Variants in FAT2 observed in about 807,000 individuals in gnomAD.
FAT2 encodes protocadherin Fat 2.
A neutral mutation model predicts 295.3 loss-of-function variants in FAT2; 150 were observed. The ratio of observed to expected loss-of-function variants is 0.51; its 90% CI spans 0.44 to 0.58. The LOEUF (loss-of-function observed/expected upper bound fraction) is 0.58. Among genes scored for constraint, FAT2 ranks in the 20% least tolerant of loss-of-function variants. The pLI is 0.00. For missense variants in FAT2, 4,868 were observed against 5,442.7 expected, an observed-to-expected ratio of 0.89 and a Z score of 3.32; for synonymous variants, 2,026 against 2,150.3, an observed-to-expected ratio of 0.94 and a Z score of 1.60.
At chr5:151,553,482 A>G in intron 5 of FAT2, 95 bp from the exon 6 acceptor site, 4 of 1,063,710 alleles carry the variant, frequency 3.8e-6, no homozygotes, top group Non-Finnish European at 5.6e-6. Flanking sequence ...TGTGATTCTG[A>G]CCAAGCAGGC....
chr5:151,571,348 T>G (rs1454842566), intron 1 of FAT2, among the ~76,000 whole-genome samples: 1 of 152,006 alleles, frequency 6.6e-6, no homozygotes. Flanking sequence ...CCAGGTCCAC[T>G]GGCTCCACAG....
In FAT2 at chr5:151,566,116, G is replaced by C; in HGVS notation, c.2816C>G (p.Pro939Arg). The part of the protein sequence containing the change: ...HNRLKVPEDL[P>R]PGTVLTFLDA... ...CAGAAATGTCAAGACAGTCCCGGGG[G>C]GCAGGTCCTCTGGAACCTTCAGCCT... The change falls in exon 2 of 24, where the codon CCC (proline) becomes CGC (arginine). Residue 939 changes from proline to arginine, a missense_variant. By Grantham distance (103) the Pro-to-Arg change is moderately radical. Around this residue, in one of 5 missense-constraint regions of FAT2, gnomAD observed 3,297 missense variants for 3,669.4 expected, o/e 0.90. Coordinates refer to ENST00000261800, the MANE Select transcript of FAT2 (RefSeq NM_001447.3). 1.2e-6 allele frequency: 2 copies of C among 1,614,140 alleles called. No individual in the cohort carries two copies.
At chr5:151,540,879 TCCTTCC>T in intron 10 of FAT2, 116 bp from the exon 11 acceptor site, 1 of 964,786 alleles carries the variant, frequency 1.0e-6, no homozygotes, top group South Asian at 1.8e-5. Context: ...AGCAAACATT[TCCTTCC>T]TTAACTAGGA....
intron 7 of FAT2, 143 bp from the exon 8 acceptor site, chr5:151,551,014 G>A: frequency 3.9e-6 from 3 of 772,604 alleles, no homozygotes; most frequent in Non-Finnish European, 6.2e-6. Context: ...TTGAATGAAT[G>A]ACAGTATTTC....
Position 151,543,657 on chromosome 5 carries a change from T to G in FAT2, c.7470A>C (p.Leu2490Phe), listed in dbSNP as rs1262086129. 4 of 1,614,102 alleles carry G rather than the reference T, an allele frequency of 2.5e-6. No individual in the cohort carries two copies. The highest frequency in any genetic ancestry group is 3.4e-6 in the Non-Finnish European group (4 of 1,180,048). The change falls in exon 10 of 24, where the codon TTA (leucine) becomes TTC (phenylalanine). Residue 2490 changes from leucine (L) to phenylalanine (F), a missense_variant. By Grantham distance (22) the Leu-to-Phe change is conservative. Coordinates refer to ENST00000261800, the MANE Select transcript of FAT2 (RefSeq NM_001447.3). ...EFQQHLYEAE[L>F]AENAMVGTKV... ...TGGTTCCAACCATTGCATTCTCTGC[T>G]AATTCTGCCTCATAAAGGTGCTGCT...
At chr5:151,538,356 T>A (rs1055691954) in intron 11 of FAT2, among the ~76,000 whole-genome samples, 1 of 152,150 alleles carries the variant, frequency 6.6e-6, no homozygotes, top group Non-Finnish European at 1.5e-5. Flanking sequence ...TTCTGGAAGG[T>A]GTCAGGTCAA....
chr5:151,543,193 A>T lies in FAT2; in HGVS notation c.7934T>A (p.Val2645Glu), dbSNP rs1177595288. Residue 2645 changes from valine to glutamate, a missense_variant, in exon 10 of 24, where the codon GTG (valine) becomes GAG (glutamate). Val to Glu is a moderately radical substitution (Grantham distance 121, BLOSUM62 -2). This residue lies in a region of FAT2 where 3,297 missense variants were observed against 3,669.4 expected (regional missense o/e 0.90). Transcript: ENST00000261800. ...EINPVTGVVK[V>E]KDSLVGLENQ... ...TTCCAATCCCACCAGGCTGTCTTTC[A>T]CCTTGACCACACCAGTGACTGGGTT... 4 of 1,614,152 alleles carry T rather than the reference A, an allele frequency of 2.5e-6. No homozygotes were observed. Among genetic ancestry groups the T allele is most frequent in the Non-Finnish European group, 3.4e-6 (4 of 1,180,030 alleles).
intron 1 of FAT2, among the ~76,000 whole-genome samples, chr5:151,587,375 A>G (rs1759219706): frequency 6.6e-6 from 1 of 152,108 alleles, no homozygotes; most frequent in African/African-American, 2.4e-5. Context: ...GCCCCAACCT[A>G]TCTCTCAGAC....
chr5:151,516,055 C>T (rs975794526), intron 20 of FAT2, among the ~76,000 whole-genome samples: 2 of 152,348 alleles, frequency 1.3e-5, no homozygotes, highest in African/African-American at 4.8e-5. Context: ...CTTAAACATG[C>T]TAAGCATTCT....
chr5:151,506,962 G>A (rs1043697081), intron 23 of FAT2, among the ~76,000 whole-genome samples, 192 bp downstream of exon 23: 1 of 152,214 alleles, frequency 6.6e-6, no homozygotes, highest in African/African-American at 2.4e-5. Flanking sequence ...GAGTGCAATA[G>A]AATGAGCCTC....
intron 1 of FAT2, among the ~76,000 whole-genome samples, chr5:151,572,312 A>G (rs7732813): frequency 6.6e-6 from 1 of 152,014 alleles, no homozygotes; most frequent in Non-Finnish European, 1.5e-5. Flanking sequence ...TAGACTTAGG[A>G]AACACAATGA....
At chr5:151,547,999 A>G (rs1257574106) in intron 9 of FAT2, among the ~76,000 whole-genome samples, 6 of 152,234 alleles carry the variant, frequency 3.9e-5, no homozygotes, top group Non-Finnish European at 7.3e-5. Flanking sequence ...AAATAAAGTC[A>G]TTATCTCCAT....
Position 151,512,064 on chromosome 5 carries a change from TGGAACCA to T in FAT2, c.11905+94_11905+100del. 1 of 1,113,714 alleles carries T rather than the reference TGGAACCA, an allele frequency of 9.0e-7. No homozygotes were observed. The highest frequency in any genetic ancestry group is 1.3e-6 in the Non-Finnish European group (1 of 783,084). The allele number at this position is 1,113,714 out of a possible 1,614,324, so 69.0% of individuals were successfully genotyped here. On this transcript the variant is annotated intron_variant, in intron 21 of 23. Transcript: ENST00000261800. The surrounding 1 kb of genome is among the most constrained non-coding windows in gnomAD (Gnocchi z 4.1). ...CAAGTTAGGGGAAGAGAGAGAAATT[TGGAACCA>T]GGAGGCTCTGAGATCTCCACCCTGA...
At position 151,504,959 on chromosome 5, in the gene FAT2, C is replaced by G. The variant is rs1760728226; in HGVS notation, c.*606G>C. The G allele has an allele frequency of 6.5e-6, 1 of 152,730 alleles. No individual in the cohort carries two copies. The highest frequency in any genetic ancestry group is 2.4e-5 in the African/African-American group (1 of 41,432). 9.5% of individuals were successfully genotyped at this position (152,730 alleles called of 1,614,324 possible). A position where few individuals can be genotyped will look rare whatever the true frequency, so the allele number is the denominator to read the frequency against. On this transcript the variant is annotated 3_prime_UTR_variant, in exon 24 of 24. Transcript: ENST00000261800. ...TGTTGCCCTCCATCACCATTTTCTC[C>G]CCGGTGCAAAGCACAGTGCCTGACG...
Position 151,567,564 on chromosome 5 carries a change from G to A in FAT2, c.1368C>T (p.Pro456=), listed in dbSNP as rs1380010933. 3.7e-6 allele frequency: 6 copies of A among 1,614,158 alleles called. No individual in the cohort carries two copies. Among genetic ancestry groups the A allele is most frequent in the Non-Finnish European group, 4.2e-6 (5 of 1,180,024 alleles). Residue 456 remains proline, a synonymous_variant, in exon 2 of 24, where the codon CCC becomes CCT. Coordinates refer to ENST00000261800, the MANE Select transcript of FAT2 (RefSeq NM_001447.3). The stretch of plus-strand genomic sequence containing the variant: ...CATCATAGGAAGACCTGTTGAAGAG[G>A]GGGGCATGGTTGTTGCAGTCCACAA... ...IDIVDCNNHA[P]LFNRSSYDGT... is the part of the protein sequence containing the mutation.
At chr5:151,533,768 A>T (rs1464459215) in intron 13 of FAT2, among the ~76,000 whole-genome samples, 1 of 151,914 alleles carries the variant, frequency 6.6e-6, no homozygotes, top group Non-Finnish European at 1.5e-5. Context: ...ATATATATAT[A>T]TCACATTAAT....
At chr5:151,583,163 T>C (rs1293210139) in intron 1 of FAT2, among the ~76,000 whole-genome samples, 4 of 152,180 alleles carry the variant, frequency 2.6e-5, no homozygotes, top group South Asian at 4.1e-4. Flanking sequence ...GTTCCATTCA[T>C]ATATGCACAC....
chr5:151,531,651 C>T lies in FAT2; in HGVS notation c.9747G>A (p.Glu3249=), dbSNP rs2127591194. The part of the protein sequence containing the change: ...QLATLTRPGA[E]KTGYRVVSGN... The stretch of plus-strand genomic sequence containing the variant: ...CGCTGACCACGCGGTAGCCGGTCTT[C>T]TCTGCGCCCGGGCGAGTGAGGGTGG... The change falls in exon 14 of 24, where the codon GAG becomes GAA. Residue 3249 remains glutamate (E), a synonymous_variant. Coordinates refer to ENST00000261800, the MANE Select transcript of FAT2 (RefSeq NM_001447.3). The surrounding 1 kb of genome is among the most constrained non-coding windows in gnomAD (Gnocchi z 5.7). 1 of 1,613,808 alleles carries T rather than the reference C, an allele frequency of 6.2e-7. No homozygotes were observed. Among genetic ancestry groups the T allele is most frequent in the Non-Finnish European group, 8.5e-7 (1 of 1,179,954 alleles).
In FAT2 at chr5:151,505,244, CTG is replaced by C. The variant is rs2127561770; in HGVS notation, c.*319_*320del. On this transcript the variant is annotated 3_prime_UTR_variant, in exon 24 of 24. Coordinates refer to ENST00000261800, the MANE Select transcript of FAT2 (RefSeq NM_001447.3). ...AGTCAATCAGGCTCTGCCCCGGGGA[CTG>C]AGAGCCGGCAGATCAGGGAGCCCTC... The C allele has an allele frequency of 1.6e-5, 7 of 438,034 alleles. No individual in the cohort carries two copies. In the South Asian group the frequency reaches 1.6e-4, roughly 10 times the overall value. 27.1% of individuals were successfully genotyped at this position (438,034 alleles called of 1,614,324 possible).
Sources: allele counts gnomAD v4.1 joint callset (sites outside exome capture counted in the v4.1 genomes callset), GRCh38; gene constraint gnomAD v4.1.1; regional missense constraint gnomAD v4.1.1; non-coding constraint Gnocchi (gnomAD v3.1); transcripts MANE v1.5; gene names NCBI Gene and HGNC (gene_info 2026-07-23, HGNC 2026-07-21).